APOBEC1: variants seen among roughly 807,000 people sequenced by gnomAD.
The protein encoded by APOBEC1 is apolipoprotein B mRNA editing enzyme catalytic subunit 1.
A neutral mutation model predicts 26.3 loss-of-function variants in APOBEC1; 22 were observed. The ratio of observed to expected loss-of-function variants is 0.84; its 90% confidence interval spans 0.60 to 1.19. APOBEC1 has a LOEUF of 1.19. Among genes scored for constraint, APOBEC1 ranks in the 50% most tolerant of loss-of-function variants. APOBEC1 has a pLI of 0.00. For synonymous variants in APOBEC1, 77 were observed against 95.3 expected, an observed-to-expected ratio of 0.81 and a Z score of 1.12; for missense variants, 253 against 289.0, an observed-to-expected ratio of 0.88 and a Z score of 0.90.
In APOBEC1 at chr12:7,659,322, AATATAT is replaced by A. The variant is rs1328982852; in HGVS notation, c.17-4696_17-4691del. Among the ~76,000 whole-genome samples the A allele has an allele frequency of 4.7e-3, 216 of 46,254 alleles. 2 individuals are homozygous for A. Among genetic ancestry groups the A allele is most frequent in the Middle Eastern group, 0.019 (1 of 52 alleles). The allele number at this position is 46,254 out of a possible 152,430, so 30.3% of individuals were successfully genotyped here. A position where few individuals can be genotyped will look rare whatever the true frequency, so the allele number is the denominator to read the frequency against. ...AAAAAAAAAAAAAAAAAAAAAAAAA[AATATAT>A]ATATATATATATATATATATATGTT... On this transcript the variant is annotated intron_variant, in intron 1 of 4. Coordinates refer to ENST00000229304, the MANE Select transcript of APOBEC1 (RefSeq NM_001644.5).
In APOBEC1 at chr12:7,650,016, C is replaced by G. The variant is rs112736494; in HGVS notation, c.562-320G>C. Among the ~76,000 whole-genome samples, 358 of 152,118 alleles carry G rather than the reference C, an allele frequency of 2.4e-3. 3 individuals are homozygous for G. Among genetic ancestry groups the G allele is most frequent in the African/African-American group, 8.0e-3 (333 of 41,498 alleles). ...TGTTTTTGTTGAGATGTGGTTTCGC[C>G]ATGTTGCCCAGGCTGGTCTCCAACT... On this transcript the variant is annotated intron_variant, in intron 4 of 4. Transcript: ENST00000229304.
intron 1 of APOBEC1, among the ~76,000 whole-genome samples, chr12:7,656,756 A>C (rs1863720455): frequency 6.6e-6 from 1 of 152,236 alleles, no homozygotes; most frequent in African/African-American, 2.4e-5. Context: ...CAATGAATGG[A>C]AAACATTTGC....
At chr12:7,658,528 C>T (rs926803087) in intron 1 of APOBEC1, among the ~76,000 whole-genome samples, 1 of 152,106 alleles carries the variant, frequency 6.6e-6, no homozygotes, top group Non-Finnish European at 1.5e-5. Context: ...ACAGAGGTGT[C>T]ACAGTGCCAG....
chr12:7,659,736 G>A (rs746276109), intron 1 of APOBEC1, among the ~76,000 whole-genome samples: 1 of 152,098 alleles, frequency 6.6e-6, no homozygotes, highest in East Asian at 1.9e-4. Flanking sequence ...TTGGGAGGCC[G>A]AGGTGGGCGG....
chr12:7,653,335 A>C (rs1328102952), intron 2 of APOBEC1, among the ~76,000 whole-genome samples: 1 of 152,072 alleles, frequency 6.6e-6, no homozygotes, highest in African/African-American at 2.4e-5. Context: ...TTGAATTATC[A>C]GATTTTTTTT....
intron 1 of APOBEC1, among the ~76,000 whole-genome samples, chr12:7,664,441 T>C (rs1007854682): frequency 6.6e-6 from 1 of 152,244 alleles, no homozygotes; most frequent in African/African-American, 2.4e-5. Flanking sequence ...AAGTCCTCTA[T>C]AGTATAATAA....
At chr12:7,652,405 A>G (rs1863655548) in intron 3 of APOBEC1, 33 bp downstream of exon 3, 2 of 1,576,010 alleles carry the variant, frequency 1.3e-6, no homozygotes, top group Admixed American at 3.6e-5. Flanking sequence ...AGTCTGTTGT[A>G]AACAATGAAG....
upstream of APOBEC1, among the ~76,000 whole-genome samples, chr12:7,666,941 C>T (rs1413353306): frequency 2.0e-5 from 3 of 147,596 alleles, no homozygotes; most frequent in African/African-American, 5.0e-5. Context: ...GACAGAGTTT[C>T]GCTCTTGTCA....
chr12:7,652,516 G>A lies in APOBEC1; in HGVS notation c.364C>T (p.His122Tyr). Residue 122 changes from histidine to tyrosine, a missense_variant, in exon 3 of 5, where the codon CAC (histidine) becomes TAC (tyrosine). Physicochemically the swap from His to Tyr is moderately conservative, Grantham distance 83. Transcript: ENST00000229304. ...CCTTGCCGATTTTGTTGATCCATGTGCCAAAAAAGCCGAGCTACGTAGATC... is the reference window on the plus strand; with the variant it reads ...CCTTGCCGATTTTGTTGATCCATGTACCAAAAAAGCCGAGCTACGTAGATC... ...LVIYVARLFW[H>Y]MDQQNRQGLR... The A allele has an allele frequency of 1.2e-6, 2 of 1,614,072 alleles. No homozygotes were observed. The highest frequency in any genetic ancestry group is 2.2e-5 in the South Asian group (2 of 91,076).
rs779098617 is a variant in APOBEC1, at chr12:7,655,801, C to A, written c.17-1169G>T. ...GCCAGAAATTTGAGACCAGCCTGGG[C>A]AACACAGTGAGACCCCATTCCTACA... On this transcript the variant is annotated intron_variant, in intron 1 of 4. Coordinates refer to ENST00000229304, the MANE Select transcript of APOBEC1 (RefSeq NM_001644.5). Among the ~76,000 whole-genome samples the A allele has an allele frequency of 1.2e-4, 18 of 152,112 alleles. No individual in the cohort carries two copies. The South Asian group carries it at 3.1e-3, about 26-fold the overall frequency.
chr12:7,660,128 C>A (rs1453748076), intron 1 of APOBEC1, among the ~76,000 whole-genome samples: 1 of 151,210 alleles, frequency 6.6e-6, no homozygotes, highest in Non-Finnish European at 1.5e-5. Flanking sequence ...CATGGTGAAA[C>A]CCCGTCTCTA....
upstream of APOBEC1, among the ~76,000 whole-genome samples, chr12:7,668,951 C>T (rs1017417885): frequency 2.7e-5 from 4 of 149,196 alleles, no homozygotes; most frequent in Non-Finnish European, 4.5e-5. Flanking sequence ...AGGCTGGTCT[C>T]GAACTCCTGA....
At chr12:7,660,410 A>AAGAAAGAAAGAG (rs111744018) in intron 1 of APOBEC1, among the ~76,000 whole-genome samples, 7 of 84,300 alleles carry the variant, frequency 8.3e-5, no homozygotes, top group African/African-American at 3.2e-4. Context: ...GAAAGAAAGA[A>AAGAAAGAAAGAG]AGAGAGGGTA....
At chr12:7,670,476 C>T (rs778085439), upstream of APOBEC1, among the ~76,000 whole-genome samples, 4 of 140,264 alleles carry the variant, frequency 2.9e-5, 1 homozygote, top group African/African-American at 5.4e-5. Flanking sequence ...CTAACCTGGC[C>T]GGGTGCAGTG....
At chr12:7,655,511 T>TAAA (rs911208585) in intron 1 of APOBEC1, among the ~76,000 whole-genome samples, 1 of 139,748 alleles carries the variant, frequency 7.2e-6, no homozygotes, top group Non-Finnish European at 1.6e-5. Flanking sequence ...CAAGACTCCT[T>TAAA]AAAAAAAAAA....
At chr12:7,659,322 A>AAAT (rs1555094633) in intron 1 of APOBEC1, among the ~76,000 whole-genome samples, 11 of 46,290 alleles carry the variant, frequency 2.4e-4, no homozygotes, top group Admixed American at 4.4e-4. Flanking sequence ...AAAAAAAAAA[A>AAAT]ATATATATAT....
chr12:7,657,667 T>C (rs1863735321), intron 1 of APOBEC1, among the ~76,000 whole-genome samples: 1 of 151,838 alleles, frequency 6.6e-6, no homozygotes, highest in African/African-American at 2.4e-5. Flanking sequence ...AAGCCTAAGA[T>C]ATCAAGGCCA....
At chr12:7,665,752 G>GAC (rs60124402) in intron 1 of APOBEC1, 105 bp downstream of exon 1, 31,464 of 768,362 alleles carry the variant, frequency 0.041, 524 homozygotes, top group East Asian at 0.13. Context: ...GAATCAGCAG[G>GAC]ACACACACAC....
At position 7,649,721 on chromosome 12, in the gene APOBEC1, A is replaced by T. The variant is rs764839069; in HGVS notation, c.562-25T>A. 2.7e-6 allele frequency: 4 copies of T among 1,500,304 alleles called. No homozygotes were observed. The South Asian group carries it at 4.6e-5, about 17-fold the overall frequency. The allele number at this position is 1,500,304 out of a possible 1,614,324, so 92.9% of individuals were successfully genotyped here. A position where few individuals can be genotyped will look rare whatever the true frequency, so the allele number is the denominator to read the frequency against. On this transcript the variant is annotated intron_variant, in intron 4 of 4. Transcript: ENST00000229304. Reference sequence around the variant, plus strand: ...TCTGGAATAAAAAAGGATTATATTTAATCCTTAGGATGAATATTTTAATTA... The same window carrying T: ...TCTGGAATAAAAAAGGATTATATTTTATCCTTAGGATGAATATTTTAATTA...
Sources: gnomAD v4.1 joint callset for allele counts (sites outside exome capture counted in the v4.1 genomes callset) on GRCh38, gnomAD v4.1.1 for gene constraint, MANE v1.5 for transcripts, NCBI Gene and HGNC (gene_info 2026-07-23, HGNC 2026-07-21) for gene names.